The following PRR5L variants were observed in gnomAD, a reference collection of about 807,000 sequenced individuals.
PRR5L encodes the protein proline rich 5 like.
Under a neutral mutation model 36.4 loss-of-function variants are expected in PRR5L, and 21 were observed. The observed-to-expected ratio is 0.58, with a 90% CI of 0.41 to 0.83. The LOEUF is 0.83. Ranked by LOEUF, PRR5L falls within the 40% of genes least tolerant of loss-of-function variation. The probability of loss-of-function intolerance (pLI) is 0.00; values close to 1 mark genes in which losing one functional copy is unlikely to be tolerated. For missense variants in PRR5L, 381 were observed against 473.3 expected, an observed-to-expected ratio of 0.80 and a Z score of 1.81; for synonymous variants, 188 against 197.0, an observed-to-expected ratio of 0.95 and a Z score of 0.38.
At chr11:36,448,042 G>A (rs950759891) in intron 7 of PRR5L, among the ~76,000 whole-genome samples, 3 of 152,086 alleles carry the variant, frequency 2.0e-5, no homozygotes, top group Non-Finnish European at 4.4e-5. Context: ...TGTTTTGGGC[G>A]GTGGCGGTTT....
intron 1 of PRR5L, among the ~76,000 whole-genome samples, chr11:36,397,599 GGCACGCACCACCAT>G (rs1857692408): frequency 6.6e-6 from 1 of 151,316 alleles, no homozygotes; most frequent in Non-Finnish European, 1.5e-5. Context: ...TGAGACTACA[GGCACGCACCACCAT>G]GCCCGGCTAA....
intron 1 of PRR5L, chr11:36,323,464 T>C (rs1044242366): frequency 2.0e-5 from 3 of 152,240 alleles, no homozygotes; most frequent in Admixed American, 2.0e-4. Context: ...GTAGCCAGGC[T>C]GGGCTGAAGC....
At position 36,350,954 on chromosome 11, in the gene PRR5L, A is replaced by ATATATTTATATATATTTATATATT. The variant is rs1323895906; in HGVS notation, c.-125-50038_-125-50037insTTATATATATTTATATATTTATAT. ...TTTATATATTTATATATATATATTT[A>ATATATTTATATATATTTATATATT]TATATATTTATATATTTATATATAT... On this transcript the variant is annotated intron_variant, in intron 1 of 8. Coordinates refer to ENST00000530639, the MANE Select transcript of PRR5L (RefSeq NM_001160167.2). Among the ~76,000 whole-genome samples the ATATATTTATATATATTTATATATT allele has an allele frequency of 2.8e-3, 39 of 13,994 alleles. 6 individuals carry two copies. The highest frequency in any genetic ancestry group is 7.2e-3 in the African/African-American group (35 of 4,828). 9.2% of individuals were successfully genotyped at this position (13,994 alleles called of 152,430 possible).
At chr11:36,350,360 G>A (rs1483275003) in intron 1 of PRR5L, among the ~76,000 whole-genome samples, 1 of 151,590 alleles carries the variant, frequency 6.6e-6, no homozygotes, top group African/African-American at 2.4e-5. Flanking sequence ...TGCCGGGGAG[G>A]AGGAAGTGGT....
intron 4 of PRR5L, among the ~76,000 whole-genome samples, chr11:36,421,217 A>T (rs1327827550): frequency 1.3e-5 from 2 of 152,128 alleles, no homozygotes; most frequent in Non-Finnish European, 2.9e-5. Flanking sequence ...TGTGGTTTCA[A>T]TCAGGTTTTA....
chr11:36,382,653 G>T (rs531885661), intron 1 of PRR5L, among the ~76,000 whole-genome samples: 2 of 152,158 alleles, frequency 1.3e-5, no homozygotes, highest in African/African-American at 2.4e-5. Flanking sequence ...TGGTTTTGGC[G>T]GATAATTCTT....
At chr11:36,395,290 T>C (rs34967145) in intron 1 of PRR5L, among the ~76,000 whole-genome samples, 21,244 of 152,170 alleles carry the variant, frequency 0.14, 2,017 homozygotes, top group African/African-American at 0.27. Flanking sequence ...CAATATGTAG[T>C]GATATGGGAA....
chr11:36,396,322 T>C (rs914290500), intron 1 of PRR5L: 22 of 152,352 alleles, frequency 1.4e-4, no homozygotes, highest in African/African-American at 5.1e-4. Flanking sequence ...AAGCACACCA[T>C]GTGTAGAAAA....
intron 1 of PRR5L, among the ~76,000 whole-genome samples, chr11:36,379,890 C>G (rs1045112047): frequency 1.3e-5 from 2 of 152,144 alleles, no homozygotes; most frequent in African/African-American, 4.8e-5. Flanking sequence ...ATGGTATTTG[C>G]GCCTCCCAAC....
chr11:36,377,894 A>G lies in PRR5L; in HGVS notation c.-125-23103A>G, dbSNP rs1028337601. Reference sequence around the variant, plus strand: ...AATCTCCGGGCTTCCCTGCTTGGGCAGAATTCTGGACCTGTTGCCCAGACG... The same window carrying G: ...AATCTCCGGGCTTCCCTGCTTGGGCGGAATTCTGGACCTGTTGCCCAGACG... On this transcript the variant is annotated intron_variant, in intron 1 of 8. Coordinates refer to ENST00000530639, the MANE Select transcript of PRR5L (RefSeq NM_001160167.2). The surrounding 1 kb of genome is among the most constrained non-coding windows in gnomAD (Gnocchi z 5.1). 6.6e-6 allele frequency among the ~76,000 whole-genome samples: 1 copy of G among 152,212 alleles called. No individual in the cohort carries two copies. Among genetic ancestry groups the G allele is most frequent in the Non-Finnish European group, 1.5e-5 (1 of 68,038 alleles).
intron 6 of PRR5L, 61 bp downstream of exon 6, chr11:36,437,537 T>G: frequency 1.9e-6 from 2 of 1,040,900 alleles, no homozygotes; most frequent in Non-Finnish European, 2.9e-6. Flanking sequence ...CTCCTGGCCC[T>G]TGCGGCCTGA....
chr11:36,395,044 G>C (rs1352339641), intron 1 of PRR5L, among the ~76,000 whole-genome samples: 1 of 152,036 alleles, frequency 6.6e-6, no homozygotes, highest in Non-Finnish European at 1.5e-5. Flanking sequence ...GGTGGGGGTG[G>C]GTATTGGAGT....
At chr11:36,431,971 C>T (rs1024783335) in intron 5 of PRR5L, 61 bp downstream of exon 5, 44 of 1,425,308 alleles carry the variant, frequency 3.1e-5, no homozygotes, top group South Asian at 8.0e-5. Context: ...GATGTCTGGA[C>T]GGCTGAGATG....
At chr11:36,400,563 A>C (rs1016438336) in intron 1 of PRR5L, among the ~76,000 whole-genome samples, 1 of 152,228 alleles carries the variant, frequency 6.6e-6, no homozygotes, top group Non-Finnish European at 1.5e-5. Flanking sequence ...CAATATATGC[A>C]GACTGGCTTG....
At chr11:36,428,002 C>A (rs1858417413) in intron 4 of PRR5L, among the ~76,000 whole-genome samples, 2 of 152,238 alleles carry the variant, frequency 1.3e-5, no homozygotes, top group Admixed American at 1.3e-4. Context: ...ATTGAGTCAG[C>A]AGCAATTGCA....
chr11:36,350,913 T>A (rs1038628930), intron 1 of PRR5L, among the ~76,000 whole-genome samples: 7 of 56,870 alleles, frequency 1.2e-4, no homozygotes, highest in Admixed American at 4.5e-4. Context: ...TAAATATATA[T>A]ATATATTTAT....
chr11:36,317,687 C>A (rs1856571704), intron 1 of PRR5L, among the ~76,000 whole-genome samples: 1 of 152,122 alleles, frequency 6.6e-6, no homozygotes, highest in African/African-American at 2.4e-5. Flanking sequence ...ATGGCTATAC[C>A]TATTTGCATT....
intron 7 of PRR5L, among the ~76,000 whole-genome samples, chr11:36,450,099 T>C (rs896867857): frequency 6.6e-6 from 1 of 152,056 alleles, no homozygotes; most frequent in African/African-American, 2.4e-5. Flanking sequence ...AGTGTAATGG[T>C]ACCATAAAGG....
At chr11:36,391,226 C>G (rs909990848) in intron 1 of PRR5L, among the ~76,000 whole-genome samples, 1 of 152,162 alleles carries the variant, frequency 6.6e-6, no homozygotes, top group African/African-American at 2.4e-5. Flanking sequence ...GTTGTTGGGC[C>G]ATGATTCTAC....
Sources: gnomAD v4.1 joint callset for allele counts (sites outside exome capture counted in the v4.1 genomes callset) on GRCh38, gnomAD v4.1.1 for gene constraint, Gnocchi (gnomAD v3.1) non-coding constraint, MANE v1.5 for transcripts, NCBI Gene and HGNC (gene_info 2026-07-23, HGNC 2026-07-21) for gene names.